The following DRC1 variants were observed in gnomAD, a reference collection of about 807,000 sequenced individuals.
DRC1 encodes dynein regulatory complex subunit 1.
DRC1 carries 74 observed loss-of-function variants against 98.7 expected under a neutral mutation model. The observed-to-expected ratio is 0.75, with a 90% CI of 0.62 to 0.91. The LOEUF (loss-of-function observed/expected upper bound fraction) is 0.91, where lower values mean the gene tolerates loss of function less well. Among genes scored for constraint, DRC1 ranks in the 40% least tolerant of loss-of-function variants. The pLI is 0.00. For missense variants in DRC1, 875 were observed against 886.0 expected, an observed-to-expected ratio of 0.99 and a Z score of 0.16; for synonymous variants, 336 against 334.1, an observed-to-expected ratio of 1.01 and a Z score of -0.06.
Position 26,421,350 on chromosome 2 carries a change from T to C in DRC1, c.306T>C (p.Asp102=), listed in dbSNP as rs1663136459. The part of the protein sequence containing the change: ...ELVTNIQVAI[D]IREIHRRVEE... ...TGACAAATATCCAGGTGGCTATAGA[T>C]ATCAGAGAGATTCACAGGAGAGTCG... The change falls in exon 3 of 17, where the codon GAT becomes GAC. Residue 102 remains aspartate (D), a synonymous_variant. Transcript: ENST00000288710. The C allele has an allele frequency of 1.2e-6, 2 of 1,613,584 alleles. No individual in the cohort carries two copies. The highest frequency in any genetic ancestry group is 1.7e-6 in the Non-Finnish European group (2 of 1,179,778).
Position 26,453,516 on chromosome 2 carries a change from T to C in DRC1, c.1886T>C (p.Leu629Pro). The C allele has an allele frequency of 6.2e-7, 1 of 1,614,142 alleles. No individual in the cohort carries two copies. Among genetic ancestry groups the C allele is most frequent in the South Asian group, 1.1e-5 (1 of 91,082 alleles). ...CACCCCAATGATGTCCTCAAGATTC[T>C]GGAGGCCTTCGTCATGGGTCTGAAG... is the stretch of plus-strand genomic sequence containing the variant. The part of the protein sequence containing the change: ...VIHPNDVLKI[L>P]EAFVMGLKKP... The change falls in exon 14 of 17, where the codon CTG becomes CCG. Residue 629 changes from leucine (L) to proline (P), a missense_variant. By Grantham distance (98) the Leu-to-Pro change is moderately conservative (BLOSUM62 -3). Coordinates refer to ENST00000288710, the MANE Select transcript of DRC1 (RefSeq NM_145038.5).
At chr2:26,430,457 A>C in intron 5 of DRC1, 3 of 488,648 alleles carry the variant, frequency 6.1e-6, no homozygotes, top group Non-Finnish European at 1.3e-5. Flanking sequence ...AGTGGTAGTC[A>C]CAGTTGAATT....
chr2:26,449,874 C>T (rs1191133874), intron 11 of DRC1, 122 bp from the exon 12 acceptor site: 1 of 828,626 alleles, frequency 1.2e-6, no homozygotes, highest in African/African-American at 1.7e-5. Flanking sequence ...TGCTGGCTCC[C>T]ATCCCTGGGC....
chr2:26,425,223 T>G (rs1205392753), intron 4 of DRC1, among the ~76,000 whole-genome samples: 1 of 152,234 alleles, frequency 6.6e-6, no homozygotes, highest in African/African-American at 2.4e-5. Flanking sequence ...TTAGTATAGA[T>G]GGACTTCGTT....
At chr2:26,421,112 A>C (rs1663127687) in intron 2 of DRC1, 176 bp from the exon 3 acceptor site, 2 of 494,264 alleles carry the variant, frequency 4.0e-6, no homozygotes, top group Non-Finnish European at 7.3e-6. Flanking sequence ...TCACATCACA[A>C]ATGTCCTGAT....
chr2:26,437,491 C>G (rs1395621642), intron 7 of DRC1, among the ~76,000 whole-genome samples: 3 of 152,218 alleles, frequency 2.0e-5, no homozygotes, highest in East Asian at 3.8e-4. Context: ...GCACGATGCT[C>G]AGTGCTGACA....
chr2:26,436,778 G>A lies in DRC1; in HGVS notation c.889-3600G>A, dbSNP rs542425154. On this transcript the variant is annotated intron_variant, in intron 7 of 16. Coordinates refer to ENST00000288710, the MANE Select transcript of DRC1 (RefSeq NM_145038.5). ...CTGGGAAATGCTGTCTTAGGGATAG[G>A]GGATTATTGCAAGGCCAGGAGAAGA... is the stretch of plus-strand genomic sequence containing the variant. 4.6e-5 allele frequency among the ~76,000 whole-genome samples: 7 copies of A among 152,274 alleles called. No homozygotes were observed. The South Asian group carries it at 6.2e-4, about 14-fold the overall frequency.
At chr2:26,439,033 C>T (rs1465382000) in intron 7 of DRC1, among the ~76,000 whole-genome samples, 1 of 152,090 alleles carries the variant, frequency 6.6e-6, no homozygotes, top group South Asian at 2.1e-4. Context: ...TTTCAGTGAC[C>T]CTCCATTGAC....
At chr2:26,446,739 G>T (rs1301899008) in intron 10 of DRC1, among the ~76,000 whole-genome samples, 1 of 152,192 alleles carries the variant, frequency 6.6e-6, no homozygotes, top group Admixed American at 6.5e-5. Flanking sequence ...CTGTTTTATG[G>T]TTCCTTTTAT....
At position 26,454,519 on chromosome 2, in the gene DRC1, G is replaced by A. The variant is rs984549044; in HGVS notation, c.1920-128G>A. The A allele has an allele frequency of 1.9e-5, 26 of 1,361,966 alleles. No homozygotes were observed. Among genetic ancestry groups the A allele is most frequent in the African/African-American group, 2.9e-5 (2 of 69,358 alleles). 84.4% of individuals were successfully genotyped at this position (1,361,966 alleles called of 1,614,324 possible). ...GCGTCCTTTCTGAGAACCTGCCACC[G>A]TCTAATAAACTTGGACTGCTGAGTG... On this transcript the variant is annotated intron_variant, in intron 14 of 16. Transcript: ENST00000288710. This position sits in a 1 kb window ranked among gnomAD's most constrained non-coding sequence, Gnocchi z 5.2.
At chr2:26,444,649 G>A (rs1476408184) in intron 9 of DRC1, 67 bp from the exon 10 acceptor site, 12 of 1,441,324 alleles carry the variant, frequency 8.3e-6, no homozygotes, top group African/African-American at 1.4e-5. Flanking sequence ...CTGCCCTGCT[G>A]CTATTTGAGG....
intron 10 of DRC1, 43 bp downstream of exon 10, chr2:26,444,991 C>G: frequency 6.3e-7 from 1 of 1,593,262 alleles, no homozygotes; most frequent in Non-Finnish European, 8.6e-7. Context: ...TGGAGGAGCC[C>G]CCTGAGAACA....
intron 10 of DRC1, among the ~76,000 whole-genome samples, chr2:26,447,114 T>TA (rs796291979): frequency 9.1e-5 from 13 of 142,398 alleles, no homozygotes; most frequent in East Asian, 4.2e-4. Flanking sequence ...TAATAAAAAT[T>TA]AAAAAAAAAA....
At position 26,455,172 on chromosome 2, in the gene DRC1, G is replaced by T. The variant is rs3172008; in HGVS notation, c.2105G>T (p.Ser702Ile). 0.059 allele frequency: 94,872 copies of T among 1,613,980 alleles called. 5,543 individuals are homozygous for T. Among genetic ancestry groups the T allele is most frequent in the African/African-American group, 0.3 (22,749 of 74,932 alleles). The change falls in exon 16 of 17, where the codon AGT (serine) becomes ATT (isoleucine). Residue 702 changes from serine to isoleucine, a missense_variant. By Grantham distance (142) the Ser-to-Ile change is moderately radical. Transcript: ENST00000288710. The stretch of plus-strand genomic sequence containing the variant: ...AGGGCCAAGCTGCTGCTGGAAAACA[G>T]TTCTCTGGAGCAGCAGAACACAGAG... ...TQRAKLLLENSSLEQQNTELQ... is the reference protein window; with the variant it reads ...TQRAKLLLENISLEQQNTELQ...
intron 4 of DRC1, among the ~76,000 whole-genome samples, chr2:26,429,091 C>T (rs1315742376): frequency 2.0e-5 from 3 of 152,110 alleles, no homozygotes; most frequent in African/African-American, 7.2e-5. Context: ...TTGTTAAGAG[C>T]TTTGCCCTGA....
chr2:26,450,594 C>T lies in DRC1; in HGVS notation c.1602C>T (p.Ala534=), dbSNP rs376199577. ...AACCATCCTGTTTTTCGCCCCAGGCCCTTGGAATTGAAAGTGAGGATGACT... is the reference window on the plus strand; with the variant it reads ...AACCATCCTGTTTTTCGCCCCAGGCTCTTGGAATTGAAAGTGAGGATGACT... The part of the protein sequence containing the change: ...YLLRLDAIFS[A]LGIESEDDLY... The change falls in exon 13 of 17, where the codon GCC becomes GCT. Residue 534 remains alanine, a splice_region_variant and synonymous_variant. Coordinates refer to ENST00000288710, the MANE Select transcript of DRC1 (RefSeq NM_145038.5). 5.6e-6 allele frequency: 9 copies of T among 1,610,736 alleles called. No homozygotes were observed. In the African/African-American group the frequency reaches 1.2e-4, roughly 22 times the overall value.
chr2:26,410,793 C>G (rs1418044798), intron 1 of DRC1, among the ~76,000 whole-genome samples: 1 of 151,874 alleles, frequency 6.6e-6, no homozygotes, highest in Non-Finnish European at 1.5e-5. Context: ...AGAGAAAGGG[C>G]CTACGAGCTT....
chr2:26,439,952 C>CAT (rs1663673980), intron 7 of DRC1, among the ~76,000 whole-genome samples: 1 of 26,942 alleles, frequency 3.7e-5, no homozygotes, highest in African/African-American at 1.2e-4. Flanking sequence ...CACACATACA[C>CAT]ACACACACAC....
intron 3 of DRC1, among the ~76,000 whole-genome samples, chr2:26,424,018 A>ATG (rs59951454): frequency 2.0e-5 from 3 of 151,472 alleles, no homozygotes; most frequent in Non-Finnish European, 4.4e-5. Context: ...ACGCGTGTGT[A>ATG]TGTGTGTGTG....
Sources: gnomAD v4.1 joint callset for allele counts (sites outside exome capture counted in the v4.1 genomes callset) on GRCh38, gnomAD v4.1.1 for gene constraint, Gnocchi (gnomAD v3.1) non-coding constraint, MANE v1.5 for transcripts, NCBI Gene and HGNC (gene_info 2026-07-23, HGNC 2026-07-21) for gene names.